TENM3: variants seen among roughly 807,000 people sequenced by gnomAD.
TENM3 encodes the protein teneurin-3.
In TENM3, 63 loss-of-function variants were observed where a neutral mutation model predicts 255.1. The ratio of observed to expected loss-of-function variants is 0.25; its 90% CI spans 0.20 to 0.30. TENM3 has a LOEUF of 0.30. Ranked by LOEUF, TENM3 falls within the 10% of genes least tolerant of loss-of-function variation. TENM3 has a pLI of 1.00. For missense variants in TENM3, 2,929 were observed against 3,461.1 expected (o/e 0.85, Z 3.86); for synonymous variants, 1,306 against 1,322.3 (o/e 0.99, Z 0.27).
chr4:181,999,397 G>A, the TENM3 span, among the ~76,000 whole-genome samples: 3 of 152,066 alleles, frequency 2.0e-5, no homozygotes, highest in Admixed American at 6.6e-5. Context: ...TGCCTGTCCC[G>A]ACACATTTTT....
At chr4:182,659,260 C>T (rs1754012699) in intron 6 of TENM3, among the ~76,000 whole-genome samples, 1 of 152,048 alleles carries the variant, frequency 6.6e-6, no homozygotes, top group Non-Finnish European at 1.5e-5. Flanking sequence ...CACAGTTTTG[C>T]TTTTTGTGGT....
At chr4:182,025,972 C>T in the TENM3 span, among the ~76,000 whole-genome samples, 1 of 152,138 alleles carries the variant, frequency 6.6e-6, no homozygotes, top group Non-Finnish European at 1.5e-5. Flanking sequence ...CTATCCCTCT[C>T]CCAGTCCCCC....
chr4:182,173,080 T>C (rs968177313), intron 1 of TENM3, among the ~76,000 whole-genome samples: 1 of 152,332 alleles, frequency 6.6e-6, no homozygotes, highest in South Asian at 2.1e-4. Context: ...AACAAAAAGC[T>C]ATTTATTCCC....
intron 12 of TENM3, 119 bp from the exon 13 acceptor site, chr4:182,713,968 A>G (rs960474567): frequency 5.4e-6 from 4 of 738,914 alleles, no homozygotes; most frequent in Non-Finnish European, 6.8e-6. Flanking sequence ...TCCATGTGCA[A>G]TTACAGTATT....
At chr4:182,471,032 A>T (rs1733074969) in intron 3 of TENM3, among the ~76,000 whole-genome samples, 1 of 152,204 alleles carries the variant, frequency 6.6e-6, no homozygotes, top group African/African-American at 2.4e-5. Context: ...ATTTGCCTCG[A>T]ATTTTATTTG....
intron 5 of TENM3, among the ~76,000 whole-genome samples, chr4:182,630,703 TTAAAAA>T (rs1245904968): frequency 6.6e-6 from 1 of 152,114 alleles, no homozygotes; most frequent in Non-Finnish European, 1.5e-5. Flanking sequence ...ACCCTGGAAC[TTAAAAA>T]TAAAAAAGAA....
At chr4:182,425,452 C>T (rs183767626) in intron 3 of TENM3, among the ~76,000 whole-genome samples, 97 of 152,252 alleles carry the variant, frequency 6.4e-4, no homozygotes, top group African/African-American at 2.3e-3. Flanking sequence ...TTCTGTCAAA[C>T]ATATAAAACA....
chr4:182,738,510 A>T lies in TENM3; in HGVS notation c.3345A>T (p.Thr1115=). Residue 1115 remains threonine, a synonymous_variant, in exon 18 of 28, where the codon ACA becomes ACT. Transcript: ENST00000511685. Reference sequence around the variant, plus strand: ...ATGCGTCCAACATGGGTGGCTGGACATTAGATAAACATCACGTGCTGGATG... The same window carrying T: ...ATGCGTCCAACATGGGTGGCTGGACTTTAGATAAACATCACGTGCTGGATG... The part of the protein sequence containing the change: ...ELDASNMGGW[T]LDKHHVLDVQ... The T allele has an allele frequency of 6.2e-7, 1 of 1,613,344 alleles. No individual in the cohort carries two copies. Among genetic ancestry groups the T allele is most frequent in the Non-Finnish European group, 8.5e-7 (1 of 1,179,588 alleles).
the TENM3 span, among the ~76,000 whole-genome samples, chr4:181,742,661 G>A: frequency 6.6e-6 from 1 of 151,336 alleles, no homozygotes; most frequent in Non-Finnish European, 1.5e-5. Context: ...TTTTTTTGCT[G>A]TTTTATTTAT....
the TENM3 span, among the ~76,000 whole-genome samples, chr4:181,793,210 G>A: frequency 6.6e-6 from 1 of 152,180 alleles, no homozygotes; most frequent in African/African-American, 2.4e-5. Context: ...CGATCCAGCT[G>A]CATGAAAGAG....
chr4:181,820,885 A>G, the TENM3 span, among the ~76,000 whole-genome samples: 1 of 152,114 alleles, frequency 6.6e-6, no homozygotes, highest in South Asian at 2.1e-4. Flanking sequence ...CCTTCTGTAG[A>G]GTTTTAGACC....
At chr4:181,462,706 G>A in the TENM3 span, among the ~76,000 whole-genome samples, 9 of 152,084 alleles carry the variant, frequency 5.9e-5, no homozygotes, top group Admixed American at 1.3e-4. Context: ...CATAACTCAC[G>A]TGTCATTCCC....
chr4:181,806,081 A>G, the TENM3 span, among the ~76,000 whole-genome samples: 1 of 152,170 alleles, frequency 6.6e-6, no homozygotes, highest in Admixed American at 6.5e-5. Flanking sequence ...CATCCATAAA[A>G]TAAGAACATT....
At chr4:181,684,615 T>C in the TENM3 span, among the ~76,000 whole-genome samples, 2 of 152,242 alleles carry the variant, frequency 1.3e-5, no homozygotes, top group Admixed American at 6.5e-5. Flanking sequence ...CTGATTCCGA[T>C]GGGGCAACCC....
At chr4:182,499,745 G>A (rs1297728362) in intron 3 of TENM3, among the ~76,000 whole-genome samples, 1 of 152,098 alleles carries the variant, frequency 6.6e-6, no homozygotes, top group Non-Finnish European at 1.5e-5. Flanking sequence ...AGAATATGAA[G>A]TTTAATAGCA....
the TENM3 span, among the ~76,000 whole-genome samples, chr4:181,572,507 TTTTC>T: frequency 6.6e-6 from 1 of 152,180 alleles, no homozygotes; most frequent in African/African-American, 2.4e-5. Context: ...CTTAAATAGT[TTTTC>T]TTTCTTTGAT....
the TENM3 span, among the ~76,000 whole-genome samples, chr4:181,974,230 A>G: frequency 6.6e-6 from 1 of 152,310 alleles, no homozygotes; most frequent in African/African-American, 2.4e-5. Context: ...TGTTCTCATG[A>G]TAGCCGTAAG....
the TENM3 span, among the ~76,000 whole-genome samples, chr4:181,873,778 GT>G: frequency 3.3e-5 from 5 of 150,766 alleles, no homozygotes; most frequent in African/African-American, 1.2e-4. Context: ...GTGGTTTTTT[GT>G]TTTTTGTGTT....
chr4:181,636,942 G>C, the TENM3 span, among the ~76,000 whole-genome samples: 2 of 152,212 alleles, frequency 1.3e-5, no homozygotes, highest in African/African-American at 4.8e-5. Flanking sequence ...CTACCCCTCT[G>C]GTTTACACCA....
Sources: gnomAD v4.1 joint callset for allele counts (sites outside exome capture counted in the v4.1 genomes callset) on GRCh38, gnomAD v4.1.1 for gene constraint, MANE v1.5 for transcripts, NCBI Gene and HGNC (gene_info 2026-07-23, HGNC 2026-07-21) for gene names.